The following CLNK variants were observed in gnomAD, a reference collection of about 807,000 sequenced individuals.
The protein encoded by CLNK is cytokine-dependent hematopoietic cell linker.
In CLNK, 74 loss-of-function variants were observed where a neutral mutation model predicts 68.6. The ratio of observed to expected loss-of-function variants is 1.08; its 90% CI spans 0.89 to 1.31. CLNK has a LOEUF of 1.31. Among genes scored for constraint, CLNK ranks in the 50% most tolerant of loss-of-function variants. The probability of loss-of-function intolerance (pLI) is 0.00; values close to 1 mark genes in which losing one functional copy is unlikely to be tolerated. For missense variants in CLNK, 553 were observed against 515.3 expected (o/e 1.07, Z -0.71); for synonymous variants, 198 against 172.2 (o/e 1.15, Z -1.17).
At chr4:10,557,748 T>C (rs1719734151) in intron 8 of CLNK, among the ~76,000 whole-genome samples, 1 of 152,224 alleles carries the variant, frequency 6.6e-6, no homozygotes, top group South Asian at 2.1e-4. Context: ...TAGTAATACA[T>C]TATAGATGAT....
At chr4:10,696,095 A>G in the CLNK span, among the ~76,000 whole-genome samples, 1 of 152,092 alleles carries the variant, frequency 6.6e-6, no homozygotes, top group African/African-American at 2.4e-5. Context: ...ACCTCAGTTG[A>G]TCCACCCACC....
chr4:10,688,310 C>T (rs1480505271), upstream of CLNK, among the ~76,000 whole-genome samples: 5 of 152,036 alleles, frequency 3.3e-5, no homozygotes, highest in Non-Finnish European at 4.4e-5. Context: ...GTGATTCTGT[C>T]AAGTTTTCAC....
chr4:10,628,018 C>A (rs533417446), intron 2 of CLNK, among the ~76,000 whole-genome samples: 1 of 152,258 alleles, frequency 6.6e-6, no homozygotes, highest in Admixed American at 6.5e-5. Flanking sequence ...GCTAGTGAGA[C>A]CGCCACCTCT....
intron 2 of CLNK, among the ~76,000 whole-genome samples, chr4:10,616,791 T>TATATATATATATATATATATATAC (rs776734175): frequency 8.0e-4 from 1 of 1,246 alleles, no homozygotes; most frequent in African/African-American, 1.8e-3. Flanking sequence ...TGTGTGTGTG[T>TATATATATATATATATATATATAC]ATATATATAT....
At chr4:10,512,623 G>T (rs936881140) in intron 16 of CLNK, among the ~76,000 whole-genome samples, 1 of 151,984 alleles carries the variant, frequency 6.6e-6, no homozygotes, top group Admixed American at 6.6e-5. Flanking sequence ...GATAACAAAA[G>T]AGCTTTAGGA....
chr4:10,492,576 C>T (rs1200690739), intron 18 of CLNK, among the ~76,000 whole-genome samples: 2 of 152,154 alleles, frequency 1.3e-5, no homozygotes, highest in South Asian at 2.1e-4. Context: ...TTCACCAGGT[C>T]GCTCAGAGGC....
chr4:10,511,041 T>C (rs1170083525), intron 16 of CLNK, among the ~76,000 whole-genome samples: 1 of 152,086 alleles, frequency 6.6e-6, no homozygotes, highest in East Asian at 1.9e-4. Context: ...TAATCCCAGA[T>C]ACTTGGGAGG....
At chr4:10,619,978 G>C (rs1722373134) in intron 2 of CLNK, among the ~76,000 whole-genome samples, 1 of 152,066 alleles carries the variant, frequency 6.6e-6, no homozygotes, top group African/African-American at 2.4e-5. Flanking sequence ...TACAGAAAGA[G>C]GGAACCTCAA....
chr4:10,694,669 C>T, the CLNK span, among the ~76,000 whole-genome samples: 44 of 152,112 alleles, frequency 2.9e-4, no homozygotes, highest in Non-Finnish European at 2.9e-5. Flanking sequence ...ACTATGAAAT[C>T]ACCTAACGAT....
At position 10,487,445 on chromosome 4, in the gene CLNK, C is replaced by A. The variant is rs146245409; in HGVS notation, c.*3022G>T. The A allele has an allele frequency of 6.6e-6, 1 of 152,026 alleles. No individual in the cohort carries two copies. The highest frequency in any genetic ancestry group is 2.1e-4 in the South Asian group (1 of 4,822). The allele number at this position is 152,026 out of a possible 1,614,324, so 9.4% of individuals were successfully genotyped here. ...TTATTATTTAATCATCCATTACAAG[C>A]AAAATGTAAATGTGATTGTCCTTAC... On this transcript the variant is annotated 3_prime_UTR_variant, in exon 19 of 19. Transcript: ENST00000226951.
the CLNK span, among the ~76,000 whole-genome samples, chr4:10,717,552 C>T: frequency 8.7e-4 from 132 of 152,064 alleles, no homozygotes; most frequent in African/African-American, 2.8e-3. Flanking sequence ...GCTGAAATGG[C>T]GCCATTGCAC....
chr4:10,621,239 G>T (rs983010312), intron 2 of CLNK, among the ~76,000 whole-genome samples: 4 of 151,814 alleles, frequency 2.6e-5, no homozygotes, highest in African/African-American at 9.7e-5. Context: ...CGCGATAGAA[G>T]TGTCTTCCTG....
chr4:10,495,703 T>C (rs1006998395), intron 18 of CLNK, among the ~76,000 whole-genome samples: 4 of 152,126 alleles, frequency 2.6e-5, no homozygotes, highest in African/African-American at 9.7e-5. Flanking sequence ...GTTATCCCAG[T>C]AGGCCCTAAA....
chr4:10,541,211 C>CAAAAAAAAAAAAAAAAAAAAAA (rs762227935), intron 10 of CLNK, among the ~76,000 whole-genome samples: 1 of 47,566 alleles, frequency 2.1e-5, no homozygotes, highest in Non-Finnish European at 5.8e-5. Flanking sequence ...CAGACTGTCT[C>CAAAAAAAAAAAAAAAAAAAAAA]AAAAAAAAAA....
At chr4:10,703,637 T>C in the CLNK span, among the ~76,000 whole-genome samples, 7 of 152,208 alleles carry the variant, frequency 4.6e-5, no homozygotes, top group Non-Finnish European at 1.0e-4. Flanking sequence ...CATTAGGCGA[T>C]TTTGTAGTTA....
intron 2 of CLNK, among the ~76,000 whole-genome samples, chr4:10,640,715 A>G (rs1030072524): frequency 2.0e-5 from 3 of 152,220 alleles, no homozygotes; most frequent in Non-Finnish European, 2.9e-5. Context: ...AGCTGTTACT[A>G]TTGTTCTTCC....
intron 2 of CLNK, among the ~76,000 whole-genome samples, chr4:10,637,583 CTTTTTTTTTTTTTTTT>C (rs1158317670): frequency 2.8e-5 from 2 of 71,416 alleles, no homozygotes; most frequent in Admixed American, 2.0e-4. Context: ...CACCATTCCT[CTTTTTTTTTTTTTTTT>C]TTTTTTTTTT....
intron 2 of CLNK, among the ~76,000 whole-genome samples, chr4:10,649,118 G>A (rs36124084): frequency 0.33 from 49,592 of 151,910 alleles, 8,357 homozygotes; most frequent in African/African-American, 0.4. Flanking sequence ...TTTTCTTTAC[G>A]TAAAAATAAG....
At chr4:10,628,684 G>C (rs1336815703) in intron 2 of CLNK, among the ~76,000 whole-genome samples, 2 of 152,154 alleles carry the variant, frequency 1.3e-5, no homozygotes, top group African/African-American at 2.4e-5. Flanking sequence ...CTGTGTTGGG[G>C]CTCAGAAACC....
Sources: gnomAD v4.1 joint callset for allele counts (sites outside exome capture counted in the v4.1 genomes callset) on GRCh38, gnomAD v4.1.1 for gene constraint, MANE v1.5 for transcripts, NCBI Gene and HGNC (gene_info 2026-07-23, HGNC 2026-07-21) for gene names.